CTNNAL1: variants seen among roughly 807,000 people sequenced by gnomAD.
CTNNAL1 encodes alpha-catulin.
CTNNAL1 carries 69 observed loss-of-function variants against 93.6 expected under a neutral mutation model. That is an observed-to-expected ratio of 0.74 (90% CI 0.61 to 0.90). CTNNAL1 has a LOEUF of 0.90. Among genes scored for constraint, CTNNAL1 ranks in the 40% least tolerant of loss-of-function variants. The probability of loss-of-function intolerance (pLI) is 0.00; values close to 1 mark genes in which losing one functional copy is unlikely to be tolerated. For missense variants in CTNNAL1, 836 were observed against 862.0 expected, an observed-to-expected ratio of 0.97 and a Z score of 0.38; for synonymous variants, 286 against 305.4, an observed-to-expected ratio of 0.94 and a Z score of 0.66.
chr9:108,972,321 A>G (rs1470631929), intron 9 of CTNNAL1, among the ~76,000 whole-genome samples: 1 of 151,998 alleles, frequency 6.6e-6, no homozygotes, highest in Non-Finnish European at 1.5e-5. Context: ...ACTCTCTTCA[A>G]ATTGTCCTAA....
chr9:108,947,299 GAGAC>G (rs772384950), intron 15 of CTNNAL1, among the ~76,000 whole-genome samples: 5 of 152,054 alleles, frequency 3.3e-5, no homozygotes, highest in Non-Finnish European at 7.4e-5. Flanking sequence ...ATTTTTAGTG[GAGAC>G]AGGGTTCCAC....
chr9:108,983,986 C>T (rs1831521382), intron 5 of CTNNAL1, among the ~76,000 whole-genome samples: 1 of 152,182 alleles, frequency 6.6e-6, no homozygotes, highest in Admixed American at 6.5e-5. Context: ...CTTCTTACTC[C>T]ACTGTATTTA....
intron 1 of CTNNAL1, among the ~76,000 whole-genome samples, chr9:108,999,907 A>G (rs1420525013): frequency 2.0e-5 from 3 of 152,230 alleles, no homozygotes; most frequent in East Asian, 3.8e-4. Context: ...TAATTCTTCA[A>G]AATATCTTAG....
At chr9:109,002,456 G>A (rs149723797) in intron 1 of CTNNAL1, among the ~76,000 whole-genome samples, 182 of 152,252 alleles carry the variant, frequency 1.2e-3, no homozygotes, top group African/African-American at 4.2e-3. Flanking sequence ...AAATCTTACC[G>A]GAAACTGGAG....
chr9:108,986,176 C>G (rs187150818), intron 4 of CTNNAL1, among the ~76,000 whole-genome samples: 30 of 146,454 alleles, frequency 2.0e-4, no homozygotes, highest in Admixed American at 4.8e-4. Context: ...ATCCCTCCCC[C>G]CTCCCCGCAC....
chr9:109,000,551 T>C, intron 1 of CTNNAL1, among the ~76,000 whole-genome samples: 1 of 152,118 alleles, frequency 6.6e-6, no homozygotes, highest in East Asian at 1.9e-4. Context: ...GTTAGGATAG[T>C]GTGATATAAA....
At chr9:109,005,042 T>C (rs908443907) in intron 1 of CTNNAL1, among the ~76,000 whole-genome samples, 2 of 152,174 alleles carry the variant, frequency 1.3e-5, no homozygotes, top group African/African-American at 2.4e-5. Flanking sequence ...AAATCCCACC[T>C]AATAGTCCTT....
chr9:108,961,602 A>C (rs1401368661), intron 11 of CTNNAL1, among the ~76,000 whole-genome samples: 1 of 152,206 alleles, frequency 6.6e-6, no homozygotes, highest in Non-Finnish European at 1.5e-5. Context: ...ACATAAGTTA[A>C]CTGAACCTAA....
chr9:108,977,137 A>G, intron 7 of CTNNAL1, 89 bp from the exon 8 acceptor site: 1 of 553,790 alleles, frequency 1.8e-6, no homozygotes. Flanking sequence ...ATTGTAATAA[A>G]TTTTAATACT....
chr9:108,975,858 G>A (rs1336881812), intron 8 of CTNNAL1, among the ~76,000 whole-genome samples: 2 of 152,180 alleles, frequency 1.3e-5, no homozygotes, highest in Non-Finnish European at 2.9e-5. Flanking sequence ...AAACGGTCCA[G>A]TTGTAGTTTG....
At chr9:108,987,976 A>T (rs1831667984) in intron 4 of CTNNAL1, among the ~76,000 whole-genome samples, 1 of 152,236 alleles carries the variant, frequency 6.6e-6, no homozygotes, top group Non-Finnish European at 1.5e-5. Context: ...ATCTGCAAAC[A>T]GGGACAATTT....
chr9:109,010,235 T>C (rs1453423820), intron 1 of CTNNAL1, among the ~76,000 whole-genome samples: 1 of 152,166 alleles, frequency 6.6e-6, no homozygotes, highest in Non-Finnish European at 1.5e-5. Context: ...AAAAATGCAA[T>C]TGATTTTAGT....
At chr9:108,962,590 C>T (rs553168636) in intron 11 of CTNNAL1, among the ~76,000 whole-genome samples, 9 of 152,084 alleles carry the variant, frequency 5.9e-5, no homozygotes, top group South Asian at 2.1e-4. Context: ...AGGTTTTCTA[C>T]GGTGGGGCCA....
chr9:108,972,864 G>GGGGTCCCCCC, intron 8 of CTNNAL1, 31 bp from the exon 9 acceptor site: 1 of 142,586 alleles, frequency 7.0e-6, no homozygotes, highest in Non-Finnish European at 1.0e-5. Flanking sequence ...GGGGGGGTGG[G>GGGGTCCCCCC]AGGGTGGAGA....
intron 11 of CTNNAL1, among the ~76,000 whole-genome samples, chr9:108,964,842 T>TTTTA (rs368745715): frequency 0.23 from 31,493 of 136,138 alleles, 4,125 homozygotes; most frequent in South Asian, 0.3. Flanking sequence ...ATGCTGTTTG[T>TTTTA]TTTATTTATT....
chr9:108,978,529 T>A (rs956309814), intron 7 of CTNNAL1, among the ~76,000 whole-genome samples: 3 of 152,244 alleles, frequency 2.0e-5, no homozygotes, highest in African/African-American at 7.2e-5. Context: ...TGACAGAGCC[T>A]GGGCCTAAGA....
At chr9:108,946,984 A>G (rs754042822) in intron 15 of CTNNAL1, among the ~76,000 whole-genome samples, 6 of 152,196 alleles carry the variant, frequency 3.9e-5, no homozygotes, top group Non-Finnish European at 8.8e-5. Context: ...TCTGCTTTAC[A>G]GAAAAATCCA....
rs577470088 is a variant in CTNNAL1 at position 108,999,497 on chromosome 9, T to C, written c.142-241A>G. Among the ~76,000 whole-genome samples, 3 of 152,336 alleles carry C rather than the reference T, an allele frequency of 2.0e-5. No homozygotes were observed. In the South Asian group the frequency reaches 6.2e-4, roughly 32 times the overall value. On this transcript the variant is annotated intron_variant, in intron 1 of 18. Transcript: ENST00000325551. ...AGTTATCTGGGGCATGCAGTTTATC[T>C]GGGGCATACAGTTCCAGAGGCCCTC...
intron 4 of CTNNAL1, 112 bp from the exon 5 acceptor site, chr9:108,984,548 GAAAAA>G: frequency 6.8e-6 from 2 of 294,340 alleles, no homozygotes; most frequent in Non-Finnish European, 6.0e-6. Flanking sequence ...ATTGTTAAGT[GAAAAA>G]AAAAAAAAAA....
Sources: gnomAD v4.1 joint callset for allele counts (sites outside exome capture counted in the v4.1 genomes callset) on GRCh38, gnomAD v4.1.1 for gene constraint, MANE v1.5 for transcripts, NCBI Gene and HGNC (gene_info 2026-07-23, HGNC 2026-07-21) for gene names.